FERRY3: variants seen among roughly 807,000 people sequenced by gnomAD.
FERRY3 encodes protein C12orf4.
At chr12:4,517,690 T>TATATAG in the FERRY3 span, among the ~76,000 whole-genome samples, 1 of 143,624 alleles carries the variant, frequency 7.0e-6, no homozygotes, top group African/African-American at 2.7e-5. Flanking sequence ...TTAAAATATA[T>TATATAG]ATATATATAT....
the FERRY3 span, among the ~76,000 whole-genome samples, chr12:4,507,524 A>AT: frequency 0.089 from 13,476 of 152,156 alleles, 2,011 homozygotes; most frequent in African/African-American, 0.31. Flanking sequence ...TAACCCAGGA[A>AT]TTATCTTTAG....
the FERRY3 span, among the ~76,000 whole-genome samples, chr12:4,501,324 CATATT>C: frequency 6.6e-5 from 10 of 152,230 alleles, no homozygotes; most frequent in African/African-American, 9.6e-5. Flanking sequence ...AAATATATAT[CATATT>C]ATATCTCTCC....
At chr12:4,523,699 T>TATC in the FERRY3 span, among the ~76,000 whole-genome samples, 2 of 152,182 alleles carry the variant, frequency 1.3e-5, no homozygotes, top group African/African-American at 4.8e-5. Context: ...CTCAGCCAAC[T>TATC]ATCACAAGGA....
the FERRY3 span, among the ~76,000 whole-genome samples, chr12:4,508,528 T>C: frequency 6.7e-6 from 1 of 150,372 alleles, no homozygotes; most frequent in Non-Finnish European, 1.5e-5. Context: ...GCAGATCACA[T>C]GAGGCCAGGA....
At chr12:4,510,360 G>T in the FERRY3 span, among the ~76,000 whole-genome samples, 1 of 129,330 alleles carries the variant, frequency 7.7e-6, no homozygotes, top group East Asian at 2.2e-4. Flanking sequence ...ATCTAGCAAG[G>T]CAGGCCAACG....
the FERRY3 span, chr12:4,490,731 C>T: frequency 3.2e-6 from 2 of 634,700 alleles, no homozygotes; most frequent in Middle Eastern, 2.5e-4. Flanking sequence ...GGATAGGCTA[C>T]ACCTAAAGGA....
the FERRY3 span, chr12:4,525,175 A>C: frequency 6.7e-7 from 1 of 1,500,592 alleles, no homozygotes. Flanking sequence ...CATACAGCTA[A>C]AAGGTTTAAC....
the FERRY3 span, among the ~76,000 whole-genome samples, chr12:4,491,669 C>T: frequency 6.6e-6 from 1 of 152,116 alleles, no homozygotes; most frequent in Non-Finnish European, 1.5e-5. Context: ...CCTAACAAAA[C>T]AAATGCATTC....
the FERRY3 span, among the ~76,000 whole-genome samples, chr12:4,506,289 T>A: frequency 6.6e-6 from 1 of 152,078 alleles, no homozygotes; most frequent in African/African-American, 2.4e-5. Context: ...GAAAATCACA[T>A]GAAAACAGAC....
At chr12:4,499,267 TC>T in the FERRY3 span, among the ~76,000 whole-genome samples, 1 of 152,130 alleles carries the variant, frequency 6.6e-6, no homozygotes, top group East Asian at 1.9e-4. Context: ...CCTGCCTCAG[TC>T]CTGGGAGTAG....
the FERRY3 span, chr12:4,517,938 G>A: frequency 2.7e-6 from 2 of 744,382 alleles, no homozygotes; most frequent in Non-Finnish European, 2.2e-6. Flanking sequence ...TGTTTGTTTG[G>A]TCTACTTGGA....
At chr12:4,523,176 CAT>C in the FERRY3 span, among the ~76,000 whole-genome samples, 1 of 152,192 alleles carries the variant, frequency 6.6e-6, no homozygotes, top group East Asian at 1.9e-4. Flanking sequence ...ATAAGGGTTC[CAT>C]ATATAGTTGT....
the FERRY3 span, chr12:4,525,423 A>T: frequency 6.2e-7 from 1 of 1,601,678 alleles, no homozygotes; most frequent in Non-Finnish European, 8.5e-7. Context: ...ACAAAAACAA[A>T]CAAACAAAAA....
the FERRY3 span, among the ~76,000 whole-genome samples, chr12:4,516,158 C>T: frequency 2.0e-5 from 3 of 152,036 alleles, no homozygotes; most frequent in African/African-American, 4.8e-5. Flanking sequence ...TTTTAGTCTA[C>T]GTTTCCAATC....
At chr12:4,528,829 C>T in the FERRY3 span, among the ~76,000 whole-genome samples, 1 of 150,670 alleles carries the variant, frequency 6.6e-6, no homozygotes, top group African/African-American at 2.4e-5. Flanking sequence ...TAATGGGAAG[C>T]TAATGAGAAC....
At chr12:4,523,424 T>C in the FERRY3 span, among the ~76,000 whole-genome samples, 1 of 152,188 alleles carries the variant, frequency 6.6e-6, no homozygotes, top group Admixed American at 6.5e-5. Context: ...GATCTAGAAC[T>C]AGAAATACCA....
the FERRY3 span, chr12:4,530,046 G>T: frequency 6.2e-7 from 1 of 1,610,682 alleles, no homozygotes; most frequent in Non-Finnish European, 8.5e-7. Flanking sequence ...ATGCTCTAAC[G>T]TGGTCTACAA....
chr12:4,500,114 T>C, the FERRY3 span: 1 of 1,575,794 alleles, frequency 6.3e-7, no homozygotes, highest in Admixed American at 1.7e-5. Context: ...ATCATAAAAT[T>C]ACAGGATTTT....
At chr12:4,517,684 A>AATATATATATATATAT in the FERRY3 span, among the ~76,000 whole-genome samples, 13 of 140,550 alleles carry the variant, frequency 9.2e-5, no homozygotes, top group African/African-American at 3.2e-4. Context: ...AGGTTATTAA[A>AATATATATATATATAT]ATATATATAT....
Sources: allele counts gnomAD v4.1 joint callset (sites outside exome capture counted in the v4.1 genomes callset), GRCh38; gene constraint gnomAD v4.1.1; transcripts MANE v1.5; gene names NCBI Gene and HGNC (gene_info 2026-07-23, HGNC 2026-07-21).